The following CNTN5 variants were observed in gnomAD, a reference collection of about 807,000 sequenced individuals.
The protein encoded by CNTN5 is contactin-5.
CNTN5 carries 77 observed loss-of-function variants against 129.1 expected under a neutral mutation model. That is an observed-to-expected ratio of 0.60 (90% CI 0.50 to 0.72). CNTN5 has a LOEUF of 0.72. CNTN5 is among the 30% of genes least tolerant of loss of function. The pLI, the probability that CNTN5 is intolerant of heterozygous loss-of-function variation, is 0.00. For synonymous variants in CNTN5, 509 were observed against 465.6 expected, an observed-to-expected ratio of 1.09 and a Z score of -1.20; for missense variants, 1,478 against 1,328.8, an observed-to-expected ratio of 1.11 and a Z score of -1.75.
chr11:99,757,948 A>G (rs575340321), intron 3 of CNTN5, among the ~76,000 whole-genome samples: 52 of 152,224 alleles, frequency 3.4e-4, no homozygotes, highest in African/African-American at 1.2e-3. Context: ...TGATTATTAT[A>G]CAGAATTACA....
At chr11:99,519,746 A>G (rs559628144) in intron 2 of CNTN5, among the ~76,000 whole-genome samples, 6 of 152,052 alleles carry the variant, frequency 3.9e-5, no homozygotes, top group Non-Finnish European at 8.8e-5. Context: ...TGTTTATTCA[A>G]CCAGTCTGGG....
At chr11:99,844,012 A>G (rs943155557) in intron 4 of CNTN5, among the ~76,000 whole-genome samples, 4 of 152,204 alleles carry the variant, frequency 2.6e-5, no homozygotes, top group Admixed American at 2.0e-4. Context: ...GACTTGGTCT[A>G]AAACTCAAGT....
intron 9 of CNTN5, among the ~76,000 whole-genome samples, chr11:100,029,353 C>T (rs924563826): frequency 7.2e-5 from 11 of 151,896 alleles, no homozygotes; most frequent in South Asian, 2.1e-4. Context: ...GAGGCTGAGG[C>T]GGGTGGATCA....
intron 15 of CNTN5, among the ~76,000 whole-genome samples, chr11:100,204,392 A>G (rs1238254433): frequency 7.1e-6 from 1 of 140,860 alleles, no homozygotes; most frequent in East Asian, 2.1e-4. Context: ...AGATATCTAT[A>G]TATCTCTCAT....
At chr11:99,426,857 C>T (rs1276560145) in intron 2 of CNTN5, among the ~76,000 whole-genome samples, 1 of 152,106 alleles carries the variant, frequency 6.6e-6, no homozygotes, top group Non-Finnish European at 1.5e-5. Context: ...GAGTTGGTGT[C>T]CTTTTTAGAC....
chr11:99,965,162 T>C lies in CNTN5; in HGVS notation c.877+8153T>C, dbSNP rs564305774. ...CGGTTTTTTGTGTCTTTATTTCCTT[T>C]AATTCTGCTCTGATCTTAGTTATTT... On this transcript the variant is annotated intron_variant, in intron 8 of 24. Transcript: ENST00000524871. 3.2e-4 allele frequency among the ~76,000 whole-genome samples: 49 copies of C among 152,272 alleles called. 1 individual carries two copies. Among genetic ancestry groups the C allele is most frequent in the Admixed American group, 2.4e-3 (37 of 15,276 alleles).
At chr11:100,199,049 A>C (rs1177183617) in intron 15 of CNTN5, among the ~76,000 whole-genome samples, 1 of 151,934 alleles carries the variant, frequency 6.6e-6, no homozygotes, top group African/African-American at 2.4e-5. Context: ...ATAAATATTA[A>C]TTGTGTAAAA....
intron 3 of CNTN5, among the ~76,000 whole-genome samples, chr11:99,668,147 C>T (rs1034989371): frequency 1.3e-5 from 2 of 152,028 alleles, no homozygotes; most frequent in Admixed American, 6.6e-5. Flanking sequence ...AATGTTATTG[C>T]CACTTCAGAT....
intron 2 of CNTN5, among the ~76,000 whole-genome samples, chr11:99,505,712 C>T (rs983273732): frequency 2.6e-5 from 4 of 152,134 alleles, no homozygotes; most frequent in African/African-American, 9.7e-5. Context: ...ACAGATTTTC[C>T]ACATTGAATT....
chr11:99,121,135 C>CTTTTTTTT (rs575121058), intron 1 of CNTN5, among the ~76,000 whole-genome samples: 3 of 125,216 alleles, frequency 2.4e-5, no homozygotes, highest in Admixed American at 7.6e-5. Flanking sequence ...TTCTTTCTTT[C>CTTTTTTTT]TTTTTTTTTT....
chr11:100,119,631 T>C (rs1284723616), intron 13 of CNTN5, among the ~76,000 whole-genome samples: 1 of 151,878 alleles, frequency 6.6e-6, no homozygotes. Context: ...TAGAAGATTA[T>C]GGAAGAATAT....
chr11:100,002,885 C>T (rs1939960170), intron 9 of CNTN5, among the ~76,000 whole-genome samples: 1 of 151,472 alleles, frequency 6.6e-6, no homozygotes, highest in African/African-American at 2.4e-5. Context: ...AGGGTTCTTT[C>T]TAGACACTAT....
intron 21 of CNTN5, among the ~76,000 whole-genome samples, chr11:100,327,165 T>A (rs1951806118): frequency 6.6e-6 from 1 of 152,234 alleles, no homozygotes; most frequent in African/African-American, 2.4e-5. Context: ...AACCTAATTG[T>A]GCCACAGGCA....
chr11:100,038,685 G>C (rs1002708344), intron 9 of CNTN5, among the ~76,000 whole-genome samples: 8 of 151,866 alleles, frequency 5.3e-5, no homozygotes, highest in African/African-American at 1.5e-4. Context: ...AGGATAGTTA[G>C]CTCTTCTTGT....
intron 3 of CNTN5, among the ~76,000 whole-genome samples, chr11:99,720,392 G>T (rs1943131865): frequency 6.6e-6 from 1 of 151,954 alleles, no homozygotes; most frequent in African/African-American, 2.4e-5. Flanking sequence ...TACATAAACA[G>T]AACTAAAGAC....
At chr11:99,482,081 AT>A (rs1473068748) in intron 2 of CNTN5, among the ~76,000 whole-genome samples, 1 of 152,138 alleles carries the variant, frequency 6.6e-6, no homozygotes, top group Non-Finnish European at 1.5e-5. Flanking sequence ...GAAAAGGTAA[AT>A]TTTGAGGGTT....
intron 1 of CNTN5, among the ~76,000 whole-genome samples, chr11:99,105,596 C>T (rs938753688): frequency 1.3e-5 from 2 of 152,112 alleles, no homozygotes. Context: ...TTTAACCCCA[C>T]TTTCTAAATT....
At chr11:99,890,710 G>C (rs1395296440) in intron 6 of CNTN5, among the ~76,000 whole-genome samples, 1 of 152,096 alleles carries the variant, frequency 6.6e-6, no homozygotes, top group Non-Finnish European at 1.5e-5. Flanking sequence ...GCTTAAGTGT[G>C]GCATGTACTT....
At chr11:99,141,151 T>A (rs1859495371) in intron 1 of CNTN5, among the ~76,000 whole-genome samples, 1 of 152,152 alleles carries the variant, frequency 6.6e-6, no homozygotes, top group African/African-American at 2.4e-5. Context: ...TAGTTTTTTT[T>A]ATGATTAATT....
Sources: gnomAD v4.1 joint callset for allele counts (sites outside exome capture counted in the v4.1 genomes callset) on GRCh38, gnomAD v4.1.1 for gene constraint, MANE v1.5 for transcripts, NCBI Gene and HGNC (gene_info 2026-07-23, HGNC 2026-07-21) for gene names.